Variants in COL5A2 observed in about 807,000 individuals in gnomAD.
COL5A2 encodes the protein collagen alpha-2(V) chain.
A neutral mutation model predicts 208.2 loss-of-function variants in COL5A2; 23 were observed. The ratio of observed to expected loss-of-function variants is 0.11; its 90% confidence interval spans 0.08 to 0.16. The LOEUF is 0.16. Ranked by LOEUF, COL5A2 falls within the 10% of genes least tolerant of loss-of-function variation. COL5A2 has a pLI of 1.00. For synonymous variants in COL5A2, 625 were observed against 628.5 expected, an observed-to-expected ratio of 0.99 and a Z score of 0.08; for missense variants, 1,590 against 1,956.4, an observed-to-expected ratio of 0.81 and a Z score of 3.53.
chr2:189,095,384 C>A (rs1686885665), intron 6 of COL5A2, among the ~76,000 whole-genome samples: 1 of 152,128 alleles, frequency 6.6e-6, no homozygotes, highest in African/African-American at 2.4e-5. Flanking sequence ...CACACCAGTT[C>A]TTTGCTAGGA....
the COL5A2 span, among the ~76,000 whole-genome samples, chr2:189,292,728 A>G: frequency 2.0e-5 from 3 of 152,310 alleles, no homozygotes; most frequent in Admixed American, 2.0e-4. Flanking sequence ...TAGAAATACC[A>G]TTTGACCCAG....
chr2:189,117,422 C>T (rs1487782445), intron 1 of COL5A2, among the ~76,000 whole-genome samples: 1 of 152,096 alleles, frequency 6.6e-6, no homozygotes, highest in East Asian at 1.9e-4. Flanking sequence ...AAGTTTGGTA[C>T]AGAGCTATGC....
At chr2:189,046,107 T>C (rs1323375481) in intron 45 of COL5A2, among the ~76,000 whole-genome samples, 200 bp from the exon 46 acceptor site, 1 of 152,148 alleles carries the variant, frequency 6.6e-6, no homozygotes, top group Non-Finnish European at 1.5e-5. Flanking sequence ...TTCTTCCTAA[T>C]TTCAAGTCTC....
chr2:189,138,008 T>G (rs769536585), intron 1 of COL5A2, among the ~76,000 whole-genome samples: 11 of 152,156 alleles, frequency 7.2e-5, no homozygotes, highest in Non-Finnish European at 1.5e-4. Flanking sequence ...GGAGTCTTGC[T>G]CAGTCACCCA....
chr2:189,251,966 T>C, the COL5A2 span, among the ~76,000 whole-genome samples: 21 of 152,100 alleles, frequency 1.4e-4, no homozygotes, highest in African/African-American at 4.3e-4. Context: ...TGAACAGACA[T>C]TTCTCAAAAG....
chr2:189,179,299 G>A (rs1001036387), intron 1 of COL5A2, among the ~76,000 whole-genome samples: 2 of 152,138 alleles, frequency 1.3e-5, no homozygotes, highest in African/African-American at 4.8e-5. Flanking sequence ...AAATTTAGTA[G>A]TGTACTCTCT....
intron 1 of COL5A2, among the ~76,000 whole-genome samples, chr2:189,175,280 A>G (rs1688653957): frequency 6.6e-6 from 1 of 152,128 alleles, no homozygotes; most frequent in Admixed American, 6.5e-5. Context: ...TGAAGACTTT[A>G]AAGTCTTCAT....
At chr2:189,342,573 A>G in the COL5A2 span, among the ~76,000 whole-genome samples, 1 of 150,846 alleles carries the variant, frequency 6.6e-6, no homozygotes, top group African/African-American at 2.4e-5. Context: ...AAAAACAAAC[A>G]AAAAACCAAC....
At chr2:189,323,601 A>C in the COL5A2 span, among the ~76,000 whole-genome samples, 91 of 152,308 alleles carry the variant, frequency 6.0e-4, 2 homozygotes, top group Non-Finnish European at 1.0e-3. Flanking sequence ...ATACCTAGGA[A>C]TCCAACTTAC....
chr2:189,242,179 C>T, the COL5A2 span, among the ~76,000 whole-genome samples: 1 of 152,032 alleles, frequency 6.6e-6, no homozygotes, highest in African/African-American at 2.4e-5. Flanking sequence ...TTTCAGAAAA[C>T]CATTTGATAC....
chr2:189,410,245 TTAATG>T, the COL5A2 span, among the ~76,000 whole-genome samples: 1 of 152,196 alleles, frequency 6.6e-6, no homozygotes, highest in African/African-American at 2.4e-5. Context: ...TCCATCATAT[TTAATG>T]TATACTAGAG....
chr2:189,112,578 C>T (rs571894397), intron 1 of COL5A2, among the ~76,000 whole-genome samples: 1 of 152,252 alleles, frequency 6.6e-6, no homozygotes, highest in East Asian at 1.9e-4. Context: ...CAGAGAGTAA[C>T]ACTACTATAT....
At chr2:189,424,983 AG>A in the COL5A2 span, among the ~76,000 whole-genome samples, 1 of 152,230 alleles carries the variant, frequency 6.6e-6, no homozygotes, top group Non-Finnish European at 1.5e-5. Context: ...GGAACAAAAT[AG>A]CCCAGAAATA....
the COL5A2 span, among the ~76,000 whole-genome samples, chr2:189,261,317 T>G: frequency 1.3e-5 from 2 of 152,192 alleles, no homozygotes; most frequent in South Asian, 4.1e-4. Flanking sequence ...ATACATATGT[T>G]GAAAATAACA....
intron 5 of COL5A2, among the ~76,000 whole-genome samples, chr2:189,098,283 G>GA (rs1235381784): frequency 2.0e-5 from 3 of 152,118 alleles, no homozygotes; most frequent in African/African-American, 7.2e-5. Flanking sequence ...ATCCAAACTT[G>GA]AAAAAATTAA....
intron 1 of COL5A2, among the ~76,000 whole-genome samples, chr2:189,187,638 C>G (rs1042272778): frequency 1.9e-4 from 29 of 152,082 alleles, no homozygotes; most frequent in Non-Finnish European, 1.5e-5. Context: ...AAACTGTTAG[C>G]GTTTCTTCTA....
At chr2:189,334,283 C>T in the COL5A2 span, among the ~76,000 whole-genome samples, 1 of 151,676 alleles carries the variant, frequency 6.6e-6, no homozygotes, top group Non-Finnish European at 1.5e-5. Flanking sequence ...AGAAAAATAG[C>T]CAAAATATTG....
At position 189,100,177 on chromosome 2, in the gene COL5A2, C is replaced by CA. The variant is rs775019282; in HGVS notation, c.337-39dup. On this transcript the variant is annotated intron_variant, in intron 3 of 53. Coordinates refer to ENST00000374866, the MANE Select transcript of COL5A2 (RefSeq NM_000393.5). ...AAACAATTCAAAAATTCAATTAGCA[C>CA]AATATAATGGCTTGCTGGGCAAAAA... is the stretch of plus-strand genomic sequence containing the variant. The CA allele has an allele frequency of 5.7e-6, 9 of 1,567,868 alleles. No individual in the cohort carries two copies. In the East Asian group the frequency reaches 2.0e-4, roughly 35 times the overall value.
chr2:189,119,197 G>A lies in COL5A2; in HGVS notation c.98-8748C>T, dbSNP rs189790598. ...TAGATGCACAGCAAAGCTCTTCATT[G>A]GGTAATTTCTCTACTTGTAGGGAGA... On this transcript the variant is annotated intron_variant, in intron 1 of 53. Transcript: ENST00000374866. 3.4e-4 allele frequency among the ~76,000 whole-genome samples: 52 copies of A among 152,128 alleles called. 1 individual carries two copies. Among genetic ancestry groups the A allele is most frequent in the African/African-American group, 1.2e-3 (51 of 41,540 alleles).
Sources: allele counts gnomAD v4.1 joint callset (sites outside exome capture counted in the v4.1 genomes callset), GRCh38; gene constraint gnomAD v4.1.1; transcripts MANE v1.5; gene names NCBI Gene and HGNC (gene_info 2026-07-23, HGNC 2026-07-21).